The following RAB19 variants were observed in gnomAD, a reference collection of about 807,000 sequenced individuals.
RAB19 encodes ras-related protein Rab-19.
Under a neutral mutation model 17.3 loss-of-function variants are expected in RAB19, and 21 were observed. That is an observed-to-expected ratio of 1.21 (90% CI 0.86 to 1.74). RAB19 has a LOEUF of 1.74. Among genes scored for constraint, RAB19 ranks in the 40% most tolerant of loss-of-function variants. RAB19 has a pLI of 0.00. For synonymous variants in RAB19, 126 were observed against 110.4 expected (o/e 1.14, Z -0.88); for missense variants, 277 against 286.8 (o/e 0.97, Z 0.25).
rs1039046886 is a variant in RAB19 at position 140,418,732 on chromosome 7, G to A, written c.385+6675G>A. 4.6e-5 allele frequency among the ~76,000 whole-genome samples: 7 copies of A among 151,742 alleles called. No individual in the cohort carries two copies. The East Asian group carries it at 5.8e-4, about 13-fold the overall frequency. On this transcript the variant is annotated intron_variant, in intron 3 of 3. Transcript: ENST00000537763. The stretch of plus-strand genomic sequence containing the variant: ...AAATTAGCTGGGTATGATGGCATGC[G>A]CCTGTAGTCCCAGCTACGCAGGAGG...
At chr7:140,407,458 C>G in intron 1 of RAB19, 166 bp from the exon 2 acceptor site, 1 of 585,160 alleles carries the variant, frequency 1.7e-6, no homozygotes, top group East Asian at 2.9e-5. Context: ...GATCAACACA[C>G]GTAGGGCAGA....
intron 3 of RAB19, among the ~76,000 whole-genome samples, chr7:140,415,333 CA>C (rs1212489563): frequency 6.6e-6 from 1 of 152,168 alleles, no homozygotes; most frequent in Non-Finnish European, 1.5e-5. Context: ...CCTCGCCTCC[CA>C]AAGTGCTGGG....
chr7:140,418,396 CAAAAAAAAAAAAA>C (rs140238398), intron 3 of RAB19, among the ~76,000 whole-genome samples: 3 of 70,372 alleles, frequency 4.3e-5, no homozygotes, highest in East Asian at 7.4e-4. Flanking sequence ...TGCTAAAATA[CAAAAAAAAAAAAA>C]AAAAAAAAAA....
chr7:140,416,168 C>A (rs1180517059), intron 3 of RAB19, among the ~76,000 whole-genome samples: 2 of 151,884 alleles, frequency 1.3e-5, no homozygotes, highest in African/African-American at 2.4e-5. Flanking sequence ...CATGGAGAAA[C>A]CCCGTCTCTA....
In RAB19 at chr7:140,423,770, C is replaced by A. The variant is rs539992399; in HGVS notation, c.386-2112C>A. On this transcript the variant is annotated intron_variant, in intron 3 of 3. Coordinates refer to ENST00000537763, the MANE Select transcript of RAB19 (RefSeq NM_001008749.3). ...CTGTGGTGGTGATTGAAGGAATCTA[C>A]GCATGTGATCAAATTGTGTATAATT... is the stretch of plus-strand genomic sequence containing the variant. Among the ~76,000 whole-genome samples the A allele has an allele frequency of 1.4e-4, 21 of 152,304 alleles. No homozygotes were observed. The East Asian group carries it at 3.5e-3, about 25-fold the overall frequency.
At chr7:140,407,067 T>C (rs917400527) in intron 1 of RAB19, among the ~76,000 whole-genome samples, 5 of 152,148 alleles carry the variant, frequency 3.3e-5, no homozygotes, top group African/African-American at 1.2e-4. Flanking sequence ...GTATTTTTAG[T>C]AGAGATGGGG....
At position 140,427,492 on chromosome 7, in the gene RAB19, C is replaced by T. The variant is rs553131310; in HGVS notation, c.*1342C>T. Among the ~76,000 whole-genome samples, 4 of 143,570 alleles carry T rather than the reference C, an allele frequency of 2.8e-5. No individual in the cohort carries two copies. The East Asian group carries it at 8.4e-4, about 30-fold the overall frequency. 94.2% of individuals were successfully genotyped at this position (143,570 alleles called of 152,430 possible). ...TTGAGACAGAGTTTCGCTCTTGTTG[C>T]CCAGGCTGGAGTGCAATGGTGTGAC... On this transcript the variant is annotated 3_prime_UTR_variant, in exon 4 of 4. Transcript: ENST00000537763.
intron 3 of RAB19, among the ~76,000 whole-genome samples, chr7:140,417,939 C>T (rs1799489435): frequency 6.6e-6 from 1 of 152,174 alleles, no homozygotes; most frequent in South Asian, 2.1e-4. Flanking sequence ...TCTCAAGATC[C>T]TCAAATTAAT....
chr7:140,410,313 CTTTT>C (rs762151021), intron 2 of RAB19, among the ~76,000 whole-genome samples: 50 of 81,024 alleles, frequency 6.2e-4, no homozygotes, highest in African/African-American at 1.7e-3. Flanking sequence ...TTGTATTTTT[CTTTT>C]TTTTTTTTTT....
chr7:140,410,790 G>C (rs1027851674), intron 2 of RAB19, among the ~76,000 whole-genome samples: 1 of 152,082 alleles, frequency 6.6e-6, no homozygotes, highest in African/African-American at 2.4e-5. Flanking sequence ...TTTGGTGTAT[G>C]TTTGCAAACT....
chr7:140,407,175 G>A (rs527521765), intron 1 of RAB19, among the ~76,000 whole-genome samples: 11 of 152,210 alleles, frequency 7.2e-5, no homozygotes, highest in South Asian at 2.1e-4. Flanking sequence ...ATGAGCCATC[G>A]TGCACGGCCT....
At position 140,411,905 on chromosome 7, in the gene RAB19, G is replaced by T; in HGVS notation, c.233G>T (p.Arg78Leu). The change falls in exon 3 of 4, where the codon CGC becomes CTC. Residue 78 changes from arginine to leucine, a missense_variant. By Grantham distance (102) the Arg-to-Leu change is moderately radical (BLOSUM62 -2). Transcript: ENST00000537763. The part of the protein sequence containing the change: ...MQVWDTAGQE[R>L]FRTITQSYYR... ...GTGTGGGACACAGCTGGCCAGGAGCGCTTCCGCACCATCACCCAAAGCTAC... is the reference window on the plus strand; with the variant it reads ...GTGTGGGACACAGCTGGCCAGGAGCTCTTCCGCACCATCACCCAAAGCTAC... The T allele has an allele frequency of 6.2e-7, 1 of 1,614,120 alleles. No homozygotes were observed. Among genetic ancestry groups the T allele is most frequent in the Non-Finnish European group, 8.5e-7 (1 of 1,180,032 alleles).
At chr7:140,404,916 G>A (rs34188043) in intron 1 of RAB19, among the ~76,000 whole-genome samples, 2,354 of 152,272 alleles carry the variant, frequency 0.015, 20 homozygotes, top group South Asian at 0.03. Context: ...AGGATAGCAC[G>A]GAGCTAGACA....
intron 2 of RAB19, among the ~76,000 whole-genome samples, chr7:140,410,313 C>CTTTTTTTTT (rs762151021): frequency 1.5e-3 from 124 of 81,032 alleles, no homozygotes; most frequent in Admixed American, 2.4e-3. Flanking sequence ...TTGTATTTTT[C>CTTTTTTTTT]TTTTTTTTTT....
At chr7:140,406,946 C>T (rs1429291999) in intron 1 of RAB19, among the ~76,000 whole-genome samples, 1 of 151,726 alleles carries the variant, frequency 6.6e-6, no homozygotes, top group Non-Finnish European at 1.5e-5. Context: ...AGTGCAAAGG[C>T]ATGATCTCGG....
Position 140,426,839 on chromosome 7 carries a change from C to CTTTTTT in RAB19, c.*704_*709dup, listed in dbSNP as rs398067341. ...AAGACACCTGCAATTTTTTTTCTTT[C>CTTTTTT]TTTTTTTTTTTTTTTTTTTTGAGAC... On this transcript the variant is annotated 3_prime_UTR_variant, in exon 4 of 4. Coordinates refer to ENST00000537763, the MANE Select transcript of RAB19 (RefSeq NM_001008749.3). Among the ~76,000 whole-genome samples the CTTTTTT allele has an allele frequency of 4.8e-5, 6 of 124,002 alleles. No individual in the cohort carries two copies. Among genetic ancestry groups the CTTTTTT allele is most frequent in the African/African-American group, 9.7e-5 (3 of 30,840 alleles). The allele number at this position is 124,002 out of a possible 152,430, so 81.4% of individuals were successfully genotyped here.
chr7:140,415,803 G>T lies in RAB19; in HGVS notation c.385+3746G>T, dbSNP rs796297432. Reference sequence around the variant, plus strand: ...GCCTGGAGTCCCAGCTACTCAGGAGGCTGAGGCAGGAGACTTGCTTGAACC... The same window carrying T: ...GCCTGGAGTCCCAGCTACTCAGGAGTCTGAGGCAGGAGACTTGCTTGAACC... On this transcript the variant is annotated intron_variant, in intron 3 of 3. Transcript: ENST00000537763. Among the ~76,000 whole-genome samples the T allele has an allele frequency of 1.1e-4, 17 of 151,918 alleles. No homozygotes were observed. In the East Asian group the frequency reaches 2.7e-3, roughly 24 times the overall value.
rs2130183080 is a variant in RAB19, at chr7:140,427,777, A to T, written c.*1627A>T. ...TTTTTTTATTATTATTATTGTAGAAATGAAGTCTTGCTACGTTGCCCAGGC... is the reference window on the plus strand; with the variant it reads ...TTTTTTTATTATTATTATTGTAGAATTGAAGTCTTGCTACGTTGCCCAGGC... On this transcript the variant is annotated 3_prime_UTR_variant, in exon 4 of 4. Coordinates refer to ENST00000537763, the MANE Select transcript of RAB19 (RefSeq NM_001008749.3). Among the ~76,000 whole-genome samples, 1 of 150,086 alleles carries T rather than the reference A, an allele frequency of 6.7e-6. No individual in the cohort carries two copies. The highest frequency in any genetic ancestry group is 2.0e-4 in the East Asian group (1 of 5,046).
At chr7:140,411,802 A>C in intron 2 of RAB19, 72 bp from the exon 3 acceptor site, 1 of 1,610,316 alleles carries the variant, frequency 6.2e-7, no homozygotes, top group Non-Finnish European at 8.5e-7. Flanking sequence ...GTTTTTAAGA[A>C]GATGTAGGTG....
Sources: allele counts gnomAD v4.1 joint callset (sites outside exome capture counted in the v4.1 genomes callset), GRCh38; gene constraint gnomAD v4.1.1; transcripts MANE v1.5; gene names NCBI Gene and HGNC (gene_info 2026-07-23, HGNC 2026-07-21).